The following NCF2 variants were observed in gnomAD, a reference collection of about 807,000 sequenced individuals.
NCF2 encodes the protein neutrophil cytosolic factor 2, also known as neutrophil cytosol factor 2.
In NCF2, 45 loss-of-function variants were observed where a neutral mutation model predicts 70.9. The observed-to-expected ratio is 0.63, with a 90% CI of 0.50 to 0.81. The LOEUF (loss-of-function observed/expected upper bound fraction) is 0.81. Ranked by LOEUF, NCF2 falls within the 40% of genes least tolerant of loss-of-function variation. NCF2 has a pLI of 0.00. For synonymous variants in NCF2, 203 were observed against 233.6 expected (o/e 0.87, Z 1.19); for missense variants, 522 against 631.6 (o/e 0.83, Z 1.86).
At chr1:183,563,641 T>A (rs1672177063) in intron 11 of NCF2, 56 bp from the exon 12 acceptor site, 1 of 1,607,268 alleles carries the variant, frequency 6.2e-7, no homozygotes, top group African/African-American at 1.3e-5. Context: ...TCTCTCAACA[T>A]CCTGGATCAC....
At chr1:183,588,801 T>C (rs1673498610) in intron 1 of NCF2, among the ~76,000 whole-genome samples, 1 of 152,140 alleles carries the variant, frequency 6.6e-6, no homozygotes, top group African/African-American at 2.4e-5. Flanking sequence ...AACAGAGACA[T>C]GTGGGCCTGA....
chr1:183,582,931 T>C (rs1572173141), intron 2 of NCF2, among the ~76,000 whole-genome samples: 1 of 151,806 alleles, frequency 6.6e-6, no homozygotes, highest in African/African-American at 2.4e-5. Flanking sequence ...TGGAACTTTA[T>C]AATGACGGAA....
chr1:183,577,872 C>G (rs1391889146), intron 2 of NCF2, among the ~76,000 whole-genome samples, 165 bp from the exon 3 acceptor site: 1 of 152,196 alleles, frequency 6.6e-6, no homozygotes, highest in Non-Finnish European at 1.5e-5. Flanking sequence ...TCCAAGTATT[C>G]TATACAACTC....
In NCF2 at chr1:183,555,934, T is replaced by C. The variant is rs1489799389; in HGVS notation, c.*184A>G. The stretch of plus-strand genomic sequence containing the variant: ...CACCTGTCCCCATCTCCTCACCCAC[T>C]GTGCCCCAGGAAATCATCCTGGGTA... On this transcript the variant is annotated 3_prime_UTR_variant, in exon 15 of 15. Coordinates refer to ENST00000367535, the MANE Select transcript of NCF2 (RefSeq NM_000433.4). 7 of 647,136 alleles carry C rather than the reference T, an allele frequency of 1.1e-5. No individual in the cohort carries two copies. The Admixed American group carries it at 1.2e-4, about 11-fold the overall frequency. 40.1% of individuals were successfully genotyped at this position (647,136 alleles called of 1,614,324 possible).
In NCF2 at chr1:183,555,848, ACTCT is replaced by A; in HGVS notation, c.*266_*269del. 1 of 527,420 alleles carries A rather than the reference ACTCT, an allele frequency of 1.9e-6. No individual in the cohort carries two copies. The highest frequency in any genetic ancestry group is 1.9e-5 in the African/African-American group (1 of 52,244). 32.7% of individuals were successfully genotyped at this position (527,420 alleles called of 1,614,324 possible). On this transcript the variant is annotated 3_prime_UTR_variant, in exon 15 of 15. Transcript: ENST00000367535. The stretch of plus-strand genomic sequence containing the variant: ...AAGAAACAGGATCAGTACCTGGAAG[ACTCT>A]CTCGTGCCCTTTCCAGACACTTCCA...
intron 9 of NCF2, 82 bp from the exon 10 acceptor site, chr1:183,565,861 A>C: frequency 1.5e-6 from 2 of 1,360,240 alleles, no homozygotes; most frequent in Non-Finnish European, 2.1e-6. Flanking sequence ...ACCCCTACAG[A>C]GACCCCATGT....
chr1:183,585,992 A>T (rs920014956), intron 2 of NCF2, among the ~76,000 whole-genome samples: 1 of 152,254 alleles, frequency 6.6e-6, no homozygotes, highest in Non-Finnish European at 1.5e-5. Flanking sequence ...TTATTCTGTG[A>T]TACAGAAATG....
intron 9 of NCF2, 141 bp from the exon 10 acceptor site, chr1:183,565,920 A>T (rs1439035241): frequency 4.9e-6 from 4 of 815,916 alleles, no homozygotes. Context: ...TGGTAGTGAC[A>T]TTTGGGGAAG....
At chr1:183,599,503 TCTTC>T in the NCF2 span, among the ~76,000 whole-genome samples, 32 of 148,660 alleles carry the variant, frequency 2.2e-4, no homozygotes, top group Middle Eastern at 3.4e-3. Context: ...CTTTCTCTTT[TCTTC>T]CTTCCTTCCT....
chr1:183,579,448 C>T (rs1304384372), intron 2 of NCF2, among the ~76,000 whole-genome samples: 3 of 151,896 alleles, frequency 2.0e-5, no homozygotes, highest in East Asian at 1.9e-4. Flanking sequence ...ATAATAAGGC[C>T]GGGCGCAGTG....
chr1:183,563,614 C>T (rs1017839712), intron 11 of NCF2, 29 bp from the exon 12 acceptor site: 14 of 1,612,164 alleles, frequency 8.7e-6, no homozygotes, highest in Non-Finnish European at 1.1e-5. Context: ...AAGGGAACTC[C>T]TGAGTGTCTG....
At chr1:183,601,410 GT>G in the NCF2 span, among the ~76,000 whole-genome samples, 1 of 151,968 alleles carries the variant, frequency 6.6e-6, no homozygotes, top group Non-Finnish European at 1.5e-5. Context: ...CATTTCACAC[GT>G]CTGTAAACAT....
upstream of NCF2, among the ~76,000 whole-genome samples, chr1:183,595,190 GTTTCA>G (rs1272426652): frequency 6.6e-6 from 1 of 152,190 alleles, no homozygotes; most frequent in East Asian, 1.9e-4. Context: ...TGAGTAGATA[GTTTCA>G]TTGAGTACAA....
chr1:183,595,239 C>T (rs1397003420), upstream of NCF2, among the ~76,000 whole-genome samples: 1 of 152,046 alleles, frequency 6.6e-6, no homozygotes, highest in African/African-American at 2.4e-5. Context: ...GGGAGGAGAC[C>T]TCATTTATTA....
intron 2 of NCF2, among the ~76,000 whole-genome samples, chr1:183,581,957 T>G (rs35085013): frequency 0.011 from 1,628 of 152,190 alleles, 19 homozygotes; most frequent in South Asian, 0.06. Context: ...GTGAGCCACC[T>G]CGCCTCGCCA....
At chr1:183,571,585 C>T (rs149255017) in intron 5 of NCF2, among the ~76,000 whole-genome samples, 4 of 152,310 alleles carry the variant, frequency 2.6e-5, no homozygotes, top group East Asian at 1.9e-4. Flanking sequence ...TGGCAACAAC[C>T]GGTTTGCTTT....
chr1:183,563,362 C>T (rs2102882599), intron 12 of NCF2, 56 bp from the exon 13 acceptor site: 3 of 1,613,662 alleles, frequency 1.9e-6, no homozygotes, highest in East Asian at 2.2e-5. Context: ...CAAAAACCAT[C>T]CTCCTCTTCC....
At chr1:183,599,423 C>CTTCTTTCTT in the NCF2 span, among the ~76,000 whole-genome samples, 1 of 107,426 alleles carries the variant, frequency 9.3e-6, no homozygotes, top group African/African-American at 3.8e-5. Flanking sequence ...TCTTTCTTTC[C>CTTCTTTCTT]TTCTTTCTTT....
the NCF2 span, among the ~76,000 whole-genome samples, chr1:183,596,061 T>TAATTACTTGTTTA: frequency 1.3e-5 from 2 of 152,070 alleles, no homozygotes; most frequent in African/African-American, 4.8e-5. Flanking sequence ...CATGTGATTG[T>TAATTACTTGTTTA]AATTACTTGT....
Sources: allele counts gnomAD v4.1 joint callset (sites outside exome capture counted in the v4.1 genomes callset), GRCh38; gene constraint gnomAD v4.1.1; transcripts MANE v1.5; gene names NCBI Gene and HGNC (gene_info 2026-07-23, HGNC 2026-07-21).